Variants in EPN2 observed in about 807,000 individuals in gnomAD.
EPN2 encodes epsin 2.
In EPN2, 34 loss-of-function variants were observed where a neutral mutation model predicts 61.7. That is an observed-to-expected ratio of 0.55 (90% CI 0.42 to 0.73). EPN2 has a LOEUF of 0.73. Ranked by LOEUF, EPN2 falls within the 30% of genes least tolerant of loss-of-function variation. EPN2 has a pLI of 0.00. For synonymous variants in EPN2, 349 were observed against 353.6 expected (o/e 0.99, Z 0.15); for missense variants, 714 against 839.2 (o/e 0.85, Z 1.84).
At chr17:19,239,186 C>T (rs1272168920) in intron 1 of EPN2, among the ~76,000 whole-genome samples, 2 of 152,222 alleles carry the variant, frequency 1.3e-5, no homozygotes, top group Non-Finnish European at 2.9e-5. Flanking sequence ...GAGTCTCTGT[C>T]ACCCAGGCTA....
At chr17:19,266,535 T>C (rs916742864) in intron 1 of EPN2, among the ~76,000 whole-genome samples, 1 of 151,986 alleles carries the variant, frequency 6.6e-6, no homozygotes, top group African/African-American at 2.4e-5. Context: ...CCGGAGTAGC[T>C]GAGACTACAG....
intron 1 of EPN2, among the ~76,000 whole-genome samples, chr17:19,248,899 G>T (rs758152726): frequency 3.3e-5 from 5 of 152,210 alleles, no homozygotes; most frequent in Admixed American, 1.3e-4. Context: ...CGAGGAAATA[G>T]TATGTGAGTC....
chr17:19,246,669 C>T (rs1055589410), intron 1 of EPN2, among the ~76,000 whole-genome samples: 6 of 150,954 alleles, frequency 4.0e-5, no homozygotes, highest in Admixed American at 2.0e-4. Flanking sequence ...TAAAAGGCCC[C>T]TTCCGCCCCC....
At chr17:19,332,640 T>C (rs1296374238) in intron 10 of EPN2, among the ~76,000 whole-genome samples, 1 of 152,154 alleles carries the variant, frequency 6.6e-6, no homozygotes, top group African/African-American at 2.4e-5. Context: ...ATGAAACCCT[T>C]GTGACATCCA....
At chr17:19,320,622 T>G (rs1238675353) in intron 7 of EPN2, among the ~76,000 whole-genome samples, 1 of 152,202 alleles carries the variant, frequency 6.6e-6, no homozygotes, top group African/African-American at 2.4e-5. Flanking sequence ...CTAAAATCCC[T>G]AAGAGCTTCC....
intron 1 of EPN2, among the ~76,000 whole-genome samples, chr17:19,239,099 G>GT (rs1255551697): frequency 6.6e-6 from 1 of 152,206 alleles, no homozygotes; most frequent in East Asian, 1.9e-4. Flanking sequence ...TTCGGTGCTT[G>GT]TTTTTGGGAC....
intron 1 of EPN2, among the ~76,000 whole-genome samples, chr17:19,245,749 A>G (rs1216359846): frequency 6.7e-6 from 1 of 149,332 alleles, no homozygotes; most frequent in East Asian, 2.0e-4. Context: ...TGCAACCTCC[A>G]TCTCCTGGGC....
At chr17:19,289,808 C>T (rs1407600814) in intron 4 of EPN2, among the ~76,000 whole-genome samples, 2 of 138,806 alleles carry the variant, frequency 1.4e-5, no homozygotes, top group East Asian at 4.4e-4. Context: ...CTCACTGCAA[C>T]CTCCGCCTAG....
intron 1 of EPN2, among the ~76,000 whole-genome samples, chr17:19,263,308 A>G (rs2045163221): frequency 6.6e-6 from 1 of 150,892 alleles, no homozygotes; most frequent in Admixed American, 6.7e-5. Context: ...ACTTTAGAAG[A>G]GAAGAGAAGT....
intron 4 of EPN2, chr17:19,308,144 G>A: frequency 1.7e-6 from 1 of 593,104 alleles, no homozygotes; most frequent in Non-Finnish European, 2.1e-6. Flanking sequence ...CTTGATCTTG[G>A]CTCACTGCAA....
intron 1 of EPN2, among the ~76,000 whole-genome samples, chr17:19,267,934 T>C (rs1281487740): frequency 6.6e-6 from 1 of 152,220 alleles, no homozygotes; most frequent in Non-Finnish European, 1.5e-5. Context: ...ATTGTTACTA[T>C]TGAGAAGAGA....
chr17:19,335,275 C>CT lies in EPN2; in HGVS notation c.*1026dup, dbSNP rs1182116269. 1.7e-5 allele frequency: 15 copies of CT among 884,290 alleles called. No individual in the cohort carries two copies. The highest frequency in any genetic ancestry group is 3.3e-6 in the Non-Finnish European group (2 of 604,664). 54.8% of individuals were successfully genotyped at this position (884,290 alleles called of 1,614,324 possible). A position where few individuals can be genotyped will look rare whatever the true frequency, so the allele number is the denominator to read the frequency against. ...ATTACTAAACTGATTGACTTTCAGC[C>CT]TTTTTGGCTAGATCCTGAGAGGCTA... is the stretch of plus-strand genomic sequence containing the variant. On this transcript the variant is annotated 3_prime_UTR_variant, in exon 11 of 11. Transcript: ENST00000314728.
intron 5 of EPN2, among the ~76,000 whole-genome samples, chr17:19,310,918 G>A (rs374389322): frequency 2.6e-5 from 4 of 152,172 alleles, no homozygotes; most frequent in African/African-American, 9.6e-5. Flanking sequence ...TTACAACAGC[G>A]AGAAGGGAAA....
chr17:19,291,700 A>T (rs1409964987), intron 4 of EPN2, among the ~76,000 whole-genome samples: 3 of 152,044 alleles, frequency 2.0e-5, no homozygotes, highest in Non-Finnish European at 4.4e-5. Context: ...TCGGCCTCCC[A>T]AAGTGCTGGA....
chr17:19,313,426 T>A, intron 7 of EPN2, 147 bp downstream of exon 7: 1 of 609,028 alleles, frequency 1.6e-6, no homozygotes, highest in Non-Finnish European at 2.6e-6. Context: ...GATATCCAAC[T>A]GGCCCTTGCC....
At chr17:19,290,148 C>T (rs1597998289) in intron 4 of EPN2, among the ~76,000 whole-genome samples, 2 of 152,246 alleles carry the variant, frequency 1.3e-5, no homozygotes, top group South Asian at 4.1e-4. Context: ...AGTCAGTGCT[C>T]AGGACAGTTG....
intron 7 of EPN2, among the ~76,000 whole-genome samples, chr17:19,328,219 T>C (rs1906985835): frequency 6.6e-6 from 1 of 152,168 alleles, no homozygotes; most frequent in Non-Finnish European, 1.5e-5. Context: ...TATATATGCT[T>C]CTGTCAGAAA....
At chr17:19,295,378 G>GCGCGCGCA (rs1374516110) in intron 4 of EPN2, among the ~76,000 whole-genome samples, 1 of 150,770 alleles carries the variant, frequency 6.6e-6, no homozygotes, top group African/African-American at 2.5e-5. Flanking sequence ...GCGCGTGCGC[G>GCGCGCGCA]CAAAATAGCC....
At chr17:19,323,216 A>T (rs1906722181) in intron 7 of EPN2, among the ~76,000 whole-genome samples, 1 of 152,174 alleles carries the variant, frequency 6.6e-6, no homozygotes, top group African/African-American at 2.4e-5. Flanking sequence ...CTAAAAGTCA[A>T]GGGGGGGATT....
Sources: gnomAD v4.1 joint callset for allele counts (sites outside exome capture counted in the v4.1 genomes callset) on GRCh38, gnomAD v4.1.1 for gene constraint, MANE v1.5 for transcripts, NCBI Gene and HGNC (gene_info 2026-07-23, HGNC 2026-07-21) for gene names.